Variants in CAPN2 observed in about 807,000 individuals in gnomAD.
CAPN2 encodes calpain 2.
CAPN2 carries 92 observed loss-of-function variants against 102.3 expected under a neutral mutation model. That is an observed-to-expected ratio of 0.90 (90% CI 0.76 to 1.07). The LOEUF (loss-of-function observed/expected upper bound fraction) is 1.07. CAPN2 is among the 50% of genes least tolerant of loss of function. CAPN2 has a pLI of 0.00. For missense variants in CAPN2, 800 were observed against 909.4 expected (o/e 0.88, Z 1.55); for synonymous variants, 340 against 355.4 (o/e 0.96, Z 0.49).
At chr1:223,720,104 G>T (rs1158872003) in intron 2 of CAPN2, among the ~76,000 whole-genome samples, 1 of 152,136 alleles carries the variant, frequency 6.6e-6, no homozygotes, top group Non-Finnish European at 1.5e-5. Flanking sequence ...CGAAGACTGG[G>T]CAAGTAATTA....
At position 223,745,432 on chromosome 1, in the gene CAPN2, T is replaced by C; in HGVS notation, c.553T>C (p.Tyr185His). 1 of 1,614,216 alleles carries C rather than the reference T, an allele frequency of 6.2e-7. No individual in the cohort carries two copies. The highest frequency in any genetic ancestry group is 8.5e-7 in the Non-Finnish European group (1 of 1,180,036). ...CTGGAGCGCCCTGCTGGAGAAGGCA[T>C]ACGCCAAGTAAGTTGCCATCCTCCC... Reference protein sequence around the residue: ...EFWSALLEKAYAKINGCYEAL... With the variant: ...EFWSALLEKAHAKINGCYEAL... The change falls in exon 4 of 21, where the codon TAC (tyrosine) becomes CAC (histidine). Residue 185 changes from tyrosine (Y) to histidine (H), a missense_variant. Physicochemically the swap from Tyr to His is moderately conservative, Grantham distance 83. Transcript: ENST00000295006.
At chr1:223,708,380 C>G (rs557675232), upstream of CAPN2, among the ~76,000 whole-genome samples, 1 of 150,522 alleles carries the variant, frequency 6.6e-6, no homozygotes, top group Non-Finnish European at 1.5e-5. Flanking sequence ...GCCAAGATCG[C>G]GCCATTGCAC....
intron 8 of CAPN2, 80 bp from the exon 9 acceptor site, chr1:223,752,716 C>A (rs1378220596): frequency 7.0e-7 from 1 of 1,437,206 alleles, no homozygotes; most frequent in African/African-American, 1.4e-5. Flanking sequence ...TGGGTGGCTC[C>A]TGGTCTGGTG....
Position 223,731,710 on chromosome 1 carries a change from C to T in CAPN2, c.308-12390C>T, listed in dbSNP as rs1388813691. Among the ~76,000 whole-genome samples the T allele has an allele frequency of 6.6e-6, 1 of 152,208 alleles. No homozygotes were observed. The highest frequency in any genetic ancestry group is 1.9e-4 in the East Asian group (1 of 5,178). On this transcript the variant is annotated intron_variant, in intron 2 of 20. Transcript: ENST00000295006. The surrounding 1 kb of genome is among the most constrained non-coding windows in gnomAD (Gnocchi z 4.2). ...AAAGAGACATGTCCTCCAGAGTTGA[C>T]TTACGCGAGGACAGAGGTGTGCAGA... is the stretch of plus-strand genomic sequence containing the variant.
chr1:223,744,973 A>G (rs1329203101), intron 3 of CAPN2, among the ~76,000 whole-genome samples: 1 of 151,644 alleles, frequency 6.6e-6, no homozygotes, highest in East Asian at 1.9e-4. Context: ...TGCATCCAGG[A>G]GGCAGAGGTT....
intron 7 of CAPN2, 66 bp downstream of exon 7, chr1:223,751,041 G>C: frequency 7.8e-7 from 1 of 1,282,156 alleles, no homozygotes; most frequent in Non-Finnish European, 1.1e-6. Context: ...TCTGGGAAGA[G>C]GGCGAGAGAA....
chr1:223,704,986 G>A (rs1476830204), intron 1 of CAPN2, among the ~76,000 whole-genome samples: 1 of 152,058 alleles, frequency 6.6e-6, no homozygotes, highest in East Asian at 1.9e-4. Context: ...CCAGCACCCT[G>A]GCCCACCAGC....
chr1:223,764,201 G>A lies in CAPN2; in HGVS notation c.1684G>A (p.Ala562Thr), dbSNP rs774802192. 6.2e-7 allele frequency: 1 copy of A among 1,613,610 alleles called. No homozygotes were observed. Among genetic ancestry groups the A allele is most frequent in the Admixed American group, 1.7e-5 (1 of 60,012 alleles). Residue 562 changes from alanine (A) to threonine (T), a missense_variant, in exon 15 of 21, where the codon GCA becomes ACA. Ala to Thr is a moderately conservative substitution (Grantham distance 58). Transcript: ENST00000295006. The part of the protein sequence containing the change: ...ELQTILRRVL[A>T]KRQDIKSDGF... ...GCAGACCATCCTGAGAAGGGTTCTA[G>A]CAAAGCGTGAGTATCCCCTCATTGC...
intron 5 of CAPN2, among the ~76,000 whole-genome samples, chr1:223,747,525 T>C (rs1467712668): frequency 2.0e-5 from 3 of 152,122 alleles, no homozygotes; most frequent in African/African-American, 4.8e-5. Flanking sequence ...GGGGAATTCA[T>C]TGGGCTTAAA....
intron 4 of CAPN2, among the ~76,000 whole-genome samples, chr1:223,745,900 T>C (rs958595622): frequency 1.3e-5 from 2 of 152,248 alleles, no homozygotes; most frequent in Admixed American, 6.5e-5. Flanking sequence ...GGCAGAACTA[T>C]TCATTGCAGA....
chr1:223,728,592 T>G (rs1041932656), intron 2 of CAPN2, among the ~76,000 whole-genome samples: 1 of 152,202 alleles, frequency 6.6e-6, no homozygotes, highest in Non-Finnish European at 1.5e-5. Context: ...GAAGAACATG[T>G]GAAACCAGAA....
intron 1 of CAPN2, among the ~76,000 whole-genome samples, chr1:223,716,704 C>T (rs535513616): frequency 6.6e-6 from 1 of 152,024 alleles, no homozygotes; most frequent in East Asian, 1.9e-4. Context: ...GCAAGGTTGC[C>T]TGAGCCCAGA....
intron 1 of CAPN2, among the ~76,000 whole-genome samples, chr1:223,703,939 G>A (rs1269544887): frequency 3.3e-5 from 5 of 152,014 alleles, no homozygotes; most frequent in Admixed American, 1.3e-4. Flanking sequence ...ATCCACACAT[G>A]CCACAGACCC....
chr1:223,766,674 C>T lies in CAPN2; in HGVS notation c.1755+243C>T, dbSNP rs554618432. 4.6e-5 allele frequency among the ~76,000 whole-genome samples: 7 copies of T among 152,250 alleles called. No homozygotes were observed. In the South Asian group the frequency reaches 1.5e-3, roughly 32 times the overall value. ...ACCCTGAAAGGCTTAGAATGCAGGC[C>T]CATGGCGGGCGGTGGCTCATGCCTG... On this transcript the variant is annotated intron_variant, in intron 16 of 20. Coordinates refer to ENST00000295006, the MANE Select transcript of CAPN2 (RefSeq NM_001748.5).
At chr1:223,741,844 T>G (rs918808289) in intron 2 of CAPN2, among the ~76,000 whole-genome samples, 4 of 152,026 alleles carry the variant, frequency 2.6e-5, no homozygotes, top group African/African-American at 9.7e-5. Flanking sequence ...TGGCGTGATC[T>G]TGGCTCACTG....
In CAPN2 at chr1:223,774,801, A is replaced by G; in HGVS notation, c.2080-33A>G. ...ATAGCCTTTAATTTTAAAAGTGGTCACTGAGCTGACTTTTTTTTTTCCTTC... is the reference window on the plus strand; with the variant it reads ...ATAGCCTTTAATTTTAAAAGTGGTCGCTGAGCTGACTTTTTTTTTTCCTTC... On this transcript the variant is annotated intron_variant, in intron 20 of 20. Coordinates refer to ENST00000295006, the MANE Select transcript of CAPN2 (RefSeq NM_001748.5). 4 of 1,607,028 alleles carry G rather than the reference A, an allele frequency of 2.5e-6. 1 individual carries two copies. In the South Asian group the frequency reaches 4.5e-5, roughly 18 times the overall value.
At chr1:223,745,471 C>CT in intron 4 of CAPN2, 32 bp downstream of exon 4, 1 of 1,613,410 alleles carries the variant, frequency 6.2e-7, no homozygotes, top group South Asian at 1.1e-5. Flanking sequence ...GCCCCATGGC[C>CT]TTCCCCCAAT....
intron 7 of CAPN2, among the ~76,000 whole-genome samples, chr1:223,751,681 A>G (rs1244781490): frequency 1.3e-5 from 2 of 152,078 alleles, no homozygotes; most frequent in Non-Finnish European, 2.9e-5. Flanking sequence ...GCCCATCTCA[A>G]TTGGGCAACT....
chr1:223,752,783 C>T lies in CAPN2; in HGVS notation c.975-13C>T, dbSNP rs1660935004. On this transcript the variant is annotated splice_polypyrimidine_tract_variant and intron_variant, in intron 8 of 20. Coordinates refer to ENST00000295006, the MANE Select transcript of CAPN2 (RefSeq NM_001748.5). ...TTCTTATCACCTGTGATGATTGTCTCTGCTTTTGCCAGGATGTCTTTCAGT... is the reference window on the plus strand; with the variant it reads ...TTCTTATCACCTGTGATGATTGTCTTTGCTTTTGCCAGGATGTCTTTCAGT... 1 of 1,613,820 alleles carries T rather than the reference C, an allele frequency of 6.2e-7. No individual in the cohort carries two copies. The highest frequency in any genetic ancestry group is 8.5e-7 in the Non-Finnish European group (1 of 1,179,816).
Sources: allele counts gnomAD v4.1 joint callset (sites outside exome capture counted in the v4.1 genomes callset), GRCh38; gene constraint gnomAD v4.1.1; non-coding constraint Gnocchi (gnomAD v3.1); transcripts MANE v1.5; gene names NCBI Gene and HGNC (gene_info 2026-07-23, HGNC 2026-07-21).